AHCYL2: variants seen among roughly 807,000 people sequenced by gnomAD.
AHCYL2 encodes S-adenosylhomocysteine hydrolase-like protein 2.
AHCYL2 carries 28 observed loss-of-function variants against 81.4 expected under a neutral mutation model. That is an observed-to-expected ratio of 0.34 (90% CI 0.25 to 0.47). AHCYL2 has a LOEUF of 0.47. AHCYL2 is among the 20% of genes least tolerant of loss of function. The pLI is 1.00. For missense variants in AHCYL2, 551 were observed against 785.1 expected, an observed-to-expected ratio of 0.70 and a Z score of 3.56; for synonymous variants, 272 against 290.2, an observed-to-expected ratio of 0.94 and a Z score of 0.64.
Position 129,335,831 on chromosome 7 carries a change from T to A in AHCYL2, c.364-43807T>A, listed in dbSNP as rs1798580592. 2.0e-5 allele frequency among the ~76,000 whole-genome samples: 3 copies of A among 152,158 alleles called. No homozygotes were observed. The South Asian group carries it at 6.2e-4, about 32-fold the overall frequency. On this transcript the variant is annotated intron_variant, in intron 1 of 16. Transcript: ENST00000325006. ...TTCTGACCTTGTCTTGAAAGTTACG[T>A]AGCATTACTTCCCCTGTACTGTATT...
chr7:129,250,732 G>A (rs1795220116), intron 1 of AHCYL2, among the ~76,000 whole-genome samples: 3 of 152,186 alleles, frequency 2.0e-5, no homozygotes, highest in African/African-American at 4.8e-5. Flanking sequence ...CTAAGGGACT[G>A]AATAAATTGG....
At chr7:129,261,195 C>T (rs1795625561) in intron 1 of AHCYL2, among the ~76,000 whole-genome samples, 1 of 152,150 alleles carries the variant, frequency 6.6e-6, no homozygotes, top group Admixed American at 6.5e-5. Flanking sequence ...TCTATATGTT[C>T]AGATATTTGA....
At chr7:129,307,949 A>G (rs1797503564) in intron 1 of AHCYL2, among the ~76,000 whole-genome samples, 1 of 151,700 alleles carries the variant, frequency 6.6e-6, no homozygotes, top group Admixed American at 6.6e-5. Flanking sequence ...CTGAACTGGT[A>G]TCTAAGTTGT....
chr7:129,248,761 C>T (rs1795148142), intron 1 of AHCYL2, among the ~76,000 whole-genome samples: 3 of 151,566 alleles, frequency 2.0e-5, no homozygotes, highest in East Asian at 1.9e-4. Flanking sequence ...TAGGTCAATT[C>T]GGGAGAATTC....
chr7:129,326,233 CAAAA>C (rs1798220178), intron 1 of AHCYL2, among the ~76,000 whole-genome samples: 1 of 151,598 alleles, frequency 6.6e-6, no homozygotes, highest in Non-Finnish European at 1.5e-5. Context: ...ACATAAAAAA[CAAAA>C]AACTCCTGGC....
intron 12 of AHCYL2, among the ~76,000 whole-genome samples, chr7:129,416,436 AGTAGAGCATG>A (rs1796852371): frequency 6.6e-6 from 1 of 152,204 alleles, no homozygotes; most frequent in African/African-American, 2.4e-5. Context: ...AAAAAGAAAA[AGTAGAGCATG>A]GTGGGAGAAT....
At chr7:129,279,978 ACCT>A (rs1796372278) in intron 1 of AHCYL2, among the ~76,000 whole-genome samples, 1 of 152,000 alleles carries the variant, frequency 6.6e-6, no homozygotes, top group African/African-American at 2.4e-5. Context: ...TCTTGTGCCA[ACCT>A]CCTATCTCAT....
At chr7:129,305,617 G>A (rs755969837) in intron 1 of AHCYL2, among the ~76,000 whole-genome samples, 8 of 152,254 alleles carry the variant, frequency 5.3e-5, no homozygotes, top group Non-Finnish European at 4.4e-5. Context: ...TGAAATATGA[G>A]TTTACATACC....
At chr7:129,271,617 A>G (rs937940871) in intron 1 of AHCYL2, among the ~76,000 whole-genome samples, 2 of 152,020 alleles carry the variant, frequency 1.3e-5, no homozygotes, top group African/African-American at 4.8e-5. Context: ...AAAGCTAAAA[A>G]CCCGGGTGCG....
chr7:129,225,041 C>T lies in AHCYL2; in HGVS notation c.-36C>T, dbSNP rs1360353003. On this transcript the variant is annotated 5_prime_UTR_variant, in exon 1 of 17. Transcript: ENST00000325006. ...AGGCGGGGCCGACCAAGAGCAGGAG[C>T]TGGAGTCTGAGCCGGTGGTTGCAGC... The T allele has an allele frequency of 6.4e-7, 1 of 1,564,280 alleles. No homozygotes were observed. Among genetic ancestry groups the T allele is most frequent in the East Asian group, 2.4e-5 (1 of 42,206 alleles).
chr7:129,331,215 C>A (rs1377350402), intron 1 of AHCYL2, among the ~76,000 whole-genome samples: 1 of 152,126 alleles, frequency 6.6e-6, no homozygotes, highest in African/African-American at 2.4e-5. Context: ...CATTTTTATA[C>A]ACCCTGATAG....
intron 12 of AHCYL2, among the ~76,000 whole-genome samples, chr7:129,418,805 G>A (rs554220329): frequency 6.6e-6 from 1 of 152,270 alleles, no homozygotes; most frequent in African/African-American, 2.4e-5. Flanking sequence ...ACTAATGATA[G>A]GGATAACAGC....
At chr7:129,350,710 CT>C (rs1793528351) in intron 1 of AHCYL2, among the ~76,000 whole-genome samples, 1 of 111,816 alleles carries the variant, frequency 8.9e-6, no homozygotes. Context: ...TTCTTTCTTT[CT>C]TTCTTTTTTT....
chr7:129,274,747 A>T (rs188028710), intron 1 of AHCYL2, among the ~76,000 whole-genome samples: 95 of 152,172 alleles, frequency 6.2e-4, no homozygotes, highest in Non-Finnish European at 5.9e-4. Flanking sequence ...GAGAGGACAC[A>T]TGTAGGCACT....
intron 1 of AHCYL2, among the ~76,000 whole-genome samples, chr7:129,286,454 TG>T (rs1323307469): frequency 3.3e-5 from 5 of 151,276 alleles, no homozygotes; most frequent in African/African-American, 1.2e-4. Flanking sequence ...TTTTTTTGTT[TG>T]TTTGTTTGTT....
chr7:129,406,271 T>G lies in AHCYL2; in HGVS notation c.1207-107T>G. ...TTTCCCCAAGTATGAATCTATTCAG[T>G]GAAATTCCTCTCGGGGGTGGAAAGA... On this transcript the variant is annotated intron_variant, in intron 9 of 16. Transcript: ENST00000325006. This position sits in a 1 kb window ranked among gnomAD's most constrained non-coding sequence, Gnocchi z 4.3. 1.1e-6 allele frequency: 1 copy of G among 951,366 alleles called. No homozygotes were observed. Among genetic ancestry groups the G allele is most frequent in the South Asian group, 1.4e-5 (1 of 71,884 alleles). The allele number at this position is 951,366 out of a possible 1,614,324, so 58.9% of individuals were successfully genotyped here.
intron 1 of AHCYL2, among the ~76,000 whole-genome samples, chr7:129,331,537 C>G (rs1392973529): frequency 6.6e-6 from 1 of 152,076 alleles, no homozygotes; most frequent in Non-Finnish European, 1.5e-5. Context: ...CAGATTTGTT[C>G]TAAGTACATT....
chr7:129,285,079 TC>T (rs2150743996), intron 1 of AHCYL2, among the ~76,000 whole-genome samples: 1 of 152,236 alleles, frequency 6.6e-6, no homozygotes, highest in East Asian at 1.9e-4. Context: ...GACAGCCAGC[TC>T]TAGCTGTAAG....
At chr7:129,411,334 C>A (rs991872724) in intron 11 of AHCYL2, among the ~76,000 whole-genome samples, 4 of 152,180 alleles carry the variant, frequency 2.6e-5, no homozygotes, top group Non-Finnish European at 4.4e-5. Flanking sequence ...TTAGCAGTCA[C>A]TCCTTATTCC....
Sources: allele counts gnomAD v4.1 joint callset (sites outside exome capture counted in the v4.1 genomes callset), GRCh38; gene constraint gnomAD v4.1.1; non-coding constraint Gnocchi (gnomAD v3.1); transcripts MANE v1.5; gene names NCBI Gene and HGNC (gene_info 2026-07-23, HGNC 2026-07-21).